EML4: variants seen among roughly 807,000 people sequenced by gnomAD.
EML4 encodes echinoderm microtubule-associated protein-like 4.
A neutral mutation model predicts 129.0 loss-of-function variants in EML4; 72 were observed. That is an observed-to-expected ratio of 0.56 (90% confidence interval 0.46 to 0.68). EML4 has a LOEUF of 0.68. EML4 is among the 30% of genes least tolerant of loss of function. The probability of loss-of-function intolerance (pLI) is 0.00; values close to 1 mark genes in which losing one functional copy is unlikely to be tolerated. For synonymous variants in EML4, 532 were observed against 405.0 expected, an observed-to-expected ratio of 1.31 and a Z score of -3.77; for missense variants, 1,363 against 1,190.6, an observed-to-expected ratio of 1.14 and a Z score of -2.13.
intron 1 of EML4, among the ~76,000 whole-genome samples, chr2:42,181,965 G>C (rs1670970357): frequency 6.6e-6 from 1 of 152,110 alleles, no homozygotes; most frequent in Non-Finnish European, 1.5e-5. Flanking sequence ...TATAGATATA[G>C]TTACAGCTAT....
chr2:42,306,084 G>T (rs1459054844), intron 17 of EML4, among the ~76,000 whole-genome samples: 1 of 152,182 alleles, frequency 6.6e-6, no homozygotes, highest in Non-Finnish European at 1.5e-5. Context: ...TTTAGAATTA[G>T]GCTGCTTGAG....
At chr2:42,309,131 C>A (rs974847614) in intron 17 of EML4, among the ~76,000 whole-genome samples, 7 of 152,120 alleles carry the variant, frequency 4.6e-5, no homozygotes, top group Admixed American at 3.9e-4. Context: ...TAAGACCAGG[C>A]ACAATGGCTC....
At position 42,331,028 on chromosome 2, in the gene EML4, G is replaced by A. The variant is rs1670074972; in HGVS notation, c.*821G>A. On this transcript the variant is annotated 3_prime_UTR_variant, in exon 23 of 23. Transcript: ENST00000318522. ...CAAATGTTTGAGATTCAAGTGAATG[G>A]AAGGAAAACCACATGCCTTTAAAAC... The A allele has an allele frequency of 4.7e-6, 1 of 214,904 alleles. No homozygotes were observed. Among genetic ancestry groups the A allele is most frequent in the Admixed American group, 5.8e-5 (1 of 17,134 alleles). The allele number at this position is 214,904 out of a possible 1,614,324, so 13.3% of individuals were successfully genotyped here.
intron 17 of EML4, among the ~76,000 whole-genome samples, chr2:42,309,801 C>G (rs1668831420): frequency 6.6e-6 from 1 of 152,106 alleles, no homozygotes; most frequent in Non-Finnish European, 1.5e-5. Context: ...AGATCTTTTT[C>G]AAATATTTTC....
rs952736085 is a variant in EML4, at chr2:42,280,881, T to C, written c.699T>C (p.Gly233=). Reference sequence around the variant, plus strand: ...AATATATTAAAATGTTTATGCGCGGTCGGCCAATTACCATGTTCATTCCTT... The same window carrying C: ...AATATATTAAAATGTTTATGCGCGGCCGGCCAATTACCATGTTCATTCCTT... ...EGEYIKMFMR[G]RPITMFIPSD... is the part of the protein sequence containing the mutation. Residue 233 remains glycine (G), a synonymous_variant, in exon 7 of 23, where the codon GGT becomes GGC. Coordinates refer to ENST00000318522, the MANE Select transcript of EML4 (RefSeq NM_019063.5). The C allele has an allele frequency of 8.1e-6, 13 of 1,612,092 alleles. No individual in the cohort carries two copies. Among genetic ancestry groups the C allele is most frequent in the Non-Finnish European group, 1.1e-5 (13 of 1,179,036 alleles).
intron 1 of EML4, among the ~76,000 whole-genome samples, chr2:42,193,540 T>C (rs1304858246): frequency 6.6e-6 from 1 of 152,240 alleles, no homozygotes; most frequent in Non-Finnish European, 1.5e-5. Flanking sequence ...TCTGATGCTA[T>C]AATGAGAACT....
At chr2:42,255,848 C>G (rs1676109194) in intron 2 of EML4, among the ~76,000 whole-genome samples, 2 of 152,074 alleles carry the variant, frequency 1.3e-5, no homozygotes, top group African/African-American at 4.8e-5. Flanking sequence ...TCCTAAGGTA[C>G]TAGATATTAC....
intron 1 of EML4, among the ~76,000 whole-genome samples, chr2:42,200,395 T>C (rs1401154751): frequency 6.6e-6 from 1 of 152,172 alleles, no homozygotes; most frequent in East Asian, 1.9e-4. Flanking sequence ...ATTATGGCCT[T>C]TGCTCCACAT....
intron 1 of EML4, among the ~76,000 whole-genome samples, chr2:42,205,528 A>T (rs1672489997): frequency 7.1e-6 from 1 of 141,624 alleles, no homozygotes; most frequent in Non-Finnish European, 1.6e-5. Flanking sequence ...AACTCACAGT[A>T]AGCACTCAAT....
At chr2:42,250,391 G>T (rs1027009774) in intron 2 of EML4, among the ~76,000 whole-genome samples, 6 of 152,172 alleles carry the variant, frequency 3.9e-5, no homozygotes, top group African/African-American at 1.4e-4. Flanking sequence ...TCATAGGTTT[G>T]CTGTAAATGT....
intron 14 of EML4, among the ~76,000 whole-genome samples, chr2:42,302,663 A>C (rs1164944179): frequency 6.6e-6 from 1 of 151,642 alleles, no homozygotes; most frequent in Admixed American, 6.6e-5. Context: ...CCTCCTCAGT[A>C]GCTGGGATTA....
At chr2:42,230,129 C>CT (rs1558521936) in intron 1 of EML4, among the ~76,000 whole-genome samples, 1 of 152,062 alleles carries the variant, frequency 6.6e-6, no homozygotes, top group African/African-American at 2.4e-5. Flanking sequence ...TAATAAGTGT[C>CT]TTTTTTTCAT....
chr2:42,284,543 A>C (rs1667183177), intron 8 of EML4, 91 bp from the exon 9 acceptor site: 1 of 785,624 alleles, frequency 1.3e-6, no homozygotes, highest in Admixed American at 2.7e-5. Flanking sequence ...TTTAACGATT[A>C]AAAACTGCTT....
At position 42,268,651 on chromosome 2, in the gene EML4, G is replaced by C. The variant is rs76926873; in HGVS notation, c.667+3920G>C. Among the ~76,000 whole-genome samples, 1,381 of 152,088 alleles carry C rather than the reference G, an allele frequency of 9.1e-3. 25 individuals are homozygous for C. The highest frequency in any genetic ancestry group is 0.031 in the African/African-American group (1,281 of 41,480). On this transcript the variant is annotated intron_variant, in intron 6 of 22. Coordinates refer to ENST00000318522, the MANE Select transcript of EML4 (RefSeq NM_019063.5). ...CAGGGTGTCACTGTGTTTCCCAGGC[G>C]TGTCTCAAACTTTTAGCCTCAAGCA...
At chr2:42,228,708 G>T (rs17029359) in intron 1 of EML4, among the ~76,000 whole-genome samples, 1 of 152,214 alleles carries the variant, frequency 6.6e-6, no homozygotes, top group African/African-American at 2.4e-5. Context: ...CTGACTTTCT[G>T]TGAGTTCTAC....
At position 42,171,978 on chromosome 2, in the gene EML4, A is replaced by G. The variant is rs116400752; in HGVS notation, c.25+2342A>G. On this transcript the variant is annotated intron_variant, in intron 1 of 22. Transcript: ENST00000318522. ...TGCAGTTAATTAGCCTAGAGCTTAG[A>G]GTTACATTGATCTTTATTTTACCAT... Among the ~76,000 whole-genome samples, 1,058 of 152,176 alleles carry G rather than the reference A, an allele frequency of 7.0e-3. 7 individuals carry two copies. The highest frequency in any genetic ancestry group is 0.024 in the African/African-American group (1,003 of 41,518).
intron 1 of EML4, among the ~76,000 whole-genome samples, chr2:42,202,250 G>T (rs1189273838): frequency 6.6e-6 from 1 of 152,102 alleles, no homozygotes; most frequent in African/African-American, 2.4e-5. Context: ...TTAGTAATAA[G>T]GTATTGTAGG....
intron 1 of EML4, among the ~76,000 whole-genome samples, chr2:42,219,240 C>A (rs574130428): frequency 6.6e-6 from 1 of 152,252 alleles, no homozygotes; most frequent in Admixed American, 6.5e-5. Context: ...CTGGGCAGGT[C>A]CACTGATATG....
At chr2:42,280,104 G>GT (rs1465419634) in intron 6 of EML4, among the ~76,000 whole-genome samples, 1 of 152,004 alleles carries the variant, frequency 6.6e-6, no homozygotes, top group African/African-American at 2.4e-5. Flanking sequence ...AAGTTATGCC[G>GT]TTTAACATCT....
Sources: gnomAD v4.1 joint callset for allele counts (sites outside exome capture counted in the v4.1 genomes callset) on GRCh38, gnomAD v4.1.1 for gene constraint, MANE v1.5 for transcripts, NCBI Gene and HGNC (gene_info 2026-07-23, HGNC 2026-07-21) for gene names.